Variants in QSOX1 observed in about 807,000 individuals in gnomAD.
QSOX1 encodes quiescin sulfhydryl oxidase 1, also known as sulfhydryl oxidase 1.
A neutral mutation model predicts 76.1 loss-of-function variants in QSOX1; 40 were observed. The ratio of observed to expected loss-of-function variants is 0.53; its 90% CI spans 0.41 to 0.68. The LOEUF (loss-of-function observed/expected upper bound fraction) is 0.68, where lower values mean the gene tolerates loss of function less well. QSOX1 is among the 30% of genes least tolerant of loss of function. The pLI, the probability that QSOX1 is intolerant of heterozygous loss-of-function variation, is 0.00. For synonymous variants in QSOX1, 392 were observed against 413.1 expected, an observed-to-expected ratio of 0.95 and a Z score of 0.62; for missense variants, 931 against 974.3, an observed-to-expected ratio of 0.96 and a Z score of 0.59.
At chr1:180,175,650 G>A (rs1343707794) in intron 3 of QSOX1, among the ~76,000 whole-genome samples, 3 of 152,172 alleles carry the variant, frequency 2.0e-5, no homozygotes, top group South Asian at 2.1e-4. Context: ...TGGGGTTGGC[G>A]CCCAGAGAGC....
intron 8 of QSOX1, among the ~76,000 whole-genome samples, chr1:180,187,972 G>A (rs1663215384): frequency 6.6e-6 from 1 of 152,232 alleles, no homozygotes. Context: ...CAGCCCTGCC[G>A]GTGCCTGCAG....
chr1:180,184,938 C>G (rs559167961), intron 7 of QSOX1, among the ~76,000 whole-genome samples: 53 of 152,208 alleles, frequency 3.5e-4, no homozygotes, highest in Non-Finnish European at 6.8e-4. Flanking sequence ...GAATGATCAT[C>G]ATAATCATTC....
chr1:180,162,628 A>G (rs1662518345), intron 1 of QSOX1, among the ~76,000 whole-genome samples: 1 of 152,130 alleles, frequency 6.6e-6, no homozygotes, highest in South Asian at 2.1e-4. Context: ...GGTACCAGCT[A>G]CTTAAGCAGC....
rs543057324 is a variant in QSOX1 at position 180,186,119 on chromosome 1, G to C, written c.954G>C (p.Arg318Ser). The C allele has an allele frequency of 1.9e-6, 3 of 1,614,236 alleles. No individual in the cohort carries two copies. Among genetic ancestry groups the C allele is most frequent in the African/African-American group, 2.7e-5 (2 of 75,070 alleles). ...LHYILRIEVG[R>S]FPVLEGQRLV... is the part of the protein sequence containing the mutation. ...ACATCCTGCGGATAGAAGTGGGCAG[G>C]TTCCCGGTCCTGGAAGGGCAGCGCC... Residue 318 changes from arginine (R) to serine (S), a missense_variant, in exon 8 of 12, where the codon AGG becomes AGC. Physicochemically the swap from Arg to Ser is moderately radical, Grantham distance 110. Coordinates refer to ENST00000367602, the MANE Select transcript of QSOX1 (RefSeq NM_002826.5).
At chr1:180,161,048 A>G (rs1662483526) in intron 1 of QSOX1, among the ~76,000 whole-genome samples, 1 of 152,124 alleles carries the variant, frequency 6.6e-6, no homozygotes, top group Non-Finnish European at 1.5e-5. Context: ...TTCTCTCTAT[A>G]GTCACCCCCA....
At chr1:180,176,476 T>G (rs1662895475) in intron 4 of QSOX1, among the ~76,000 whole-genome samples, 1 of 152,032 alleles carries the variant, frequency 6.6e-6, no homozygotes, top group African/African-American at 2.4e-5. Context: ...TGAGGGAAAT[T>G]GGGGGGAGGT....
chr1:180,199,652 G>A lies in QSOX1; in HGVS notation c.*2615G>A, dbSNP rs1558196423. The A allele has an allele frequency of 6.6e-6, 1 of 152,258 alleles. No homozygotes were observed. Among genetic ancestry groups the A allele is most frequent in the African/African-American group, 2.4e-5 (1 of 41,526 alleles). 9.4% of individuals were successfully genotyped at this position (152,258 alleles called of 1,614,324 possible). On this transcript the variant is annotated 3_prime_UTR_variant, in exon 12 of 12. Transcript: ENST00000367602. Reference sequence around the variant, plus strand: ...TGGGCTAGAAACTGAAGCTAAAACAGATACGTGGTCCCTGCTGCTATGGGG... The same window carrying A: ...TGGGCTAGAAACTGAAGCTAAAACAAATACGTGGTCCCTGCTGCTATGGGG...
chr1:180,180,272 A>G (rs1662996812), intron 5 of QSOX1, among the ~76,000 whole-genome samples: 2 of 152,214 alleles, frequency 1.3e-5, no homozygotes, highest in South Asian at 4.1e-4. Flanking sequence ...GTGCAATGGC[A>G]CTGTCTTGGC....
rs1572058246 is a variant in QSOX1 at position 180,197,575 on chromosome 1, G to A, written c.*538G>A. ...TGCCTGGCCAGCCTCCAGCTCCTCA[G>A]ACCTCCTGGGTGGGGTTTGGCTTCA... On this transcript the variant is annotated 3_prime_UTR_variant, in exon 12 of 12. Transcript: ENST00000367602. 1.7e-6 allele frequency: 1 copy of A among 597,202 alleles called. No homozygotes were observed. Among genetic ancestry groups the A allele is most frequent in the East Asian group, 2.9e-5 (1 of 34,338 alleles). 37.0% of individuals were successfully genotyped at this position (597,202 alleles called of 1,614,324 possible). A position where few individuals can be genotyped will look rare whatever the true frequency, so the allele number is the denominator to read the frequency against.
At chr1:180,175,786 C>T in intron 3 of QSOX1, 145 bp from the exon 4 acceptor site, 1 of 657,656 alleles carries the variant, frequency 1.5e-6, no homozygotes, top group Non-Finnish European at 2.7e-6. Context: ...ATTCTTCTAG[C>T]ACAGGGAAGG....
At chr1:180,194,651 G>C (rs1180696139) in intron 11 of QSOX1, among the ~76,000 whole-genome samples, 1 of 152,144 alleles carries the variant, frequency 6.6e-6, no homozygotes, top group African/African-American at 2.4e-5. Context: ...AGCCTACTGG[G>C]GTCCCTCTCC....
At position 180,196,623 on chromosome 1, in the gene QSOX1, C is replaced by G. The variant is rs1286734921; in HGVS notation, c.1830C>G (p.His610Gln). The change falls in exon 12 of 12, where the codon CAC becomes CAG. Residue 610 changes from histidine to glutamine, a missense_variant. Coordinates refer to ENST00000367602, the MANE Select transcript of QSOX1 (RefSeq NM_002826.5). The surrounding 1 kb of genome is among the most constrained non-coding windows in gnomAD (Gnocchi z 4.1). ...AGGCAAGTCGACCCCCGAAGCTGCACCCTGGCCTCAGAGCTGCACCAGGCC... is the reference window on the plus strand; with the variant it reads ...AGGCAAGTCGACCCCCGAAGCTGCAGCCTGGCCTCAGAGCTGCACCAGGCC... The part of the protein sequence containing the change: ...GPEASRPPKL[H>Q]PGLRAAPGQE... The G allele has an allele frequency of 1.1e-5, 17 of 1,614,222 alleles. No homozygotes were observed. Among genetic ancestry groups the G allele is most frequent in the Non-Finnish European group, 1.4e-5 (17 of 1,180,048 alleles).
Position 180,203,271 on chromosome 1 carries a change from T to C in QSOX1, c.*6234T>C, listed in dbSNP as rs979737241. ...TTATAAACATAAGTTACTATTGTTA[T>C]ATATATGCTAACGTTTGTCTAGAAA... On this transcript the variant is annotated 3_prime_UTR_variant, in exon 12 of 12. Coordinates refer to ENST00000367602, the MANE Select transcript of QSOX1 (RefSeq NM_002826.5). 4.6e-5 allele frequency: 7 copies of C among 152,112 alleles called. No individual in the cohort carries two copies. Among genetic ancestry groups the C allele is most frequent in the African/African-American group, 9.7e-5 (4 of 41,448 alleles). 9.4% of individuals were successfully genotyped at this position (152,112 alleles called of 1,614,324 possible). A position where few individuals can be genotyped will look rare whatever the true frequency, so the allele number is the denominator to read the frequency against.
At chr1:180,176,662 A>G (rs1417119988) in intron 4 of QSOX1, among the ~76,000 whole-genome samples, 2 of 152,212 alleles carry the variant, frequency 1.3e-5, no homozygotes, top group African/African-American at 4.8e-5. Context: ...ACTTTCCCAA[A>G]GAAGAGACAG....
At chr1:180,175,289 T>C in intron 2 of QSOX1, 32 bp from the exon 3 acceptor site, 8 of 1,612,296 alleles carry the variant, frequency 5.0e-6, no homozygotes, top group Non-Finnish European at 5.9e-6. Context: ...CCACTATCTA[T>C]TACTGATGCC....
intron 8 of QSOX1, 62 bp from the exon 9 acceptor site, chr1:180,189,490 C>T (rs1338749174): frequency 1.6e-6 from 2 of 1,218,970 alleles, no homozygotes; most frequent in African/African-American, 3.2e-5. Context: ...CTACCATCTG[C>T]AGGACGGGGA....
intron 10 of QSOX1, 137 bp downstream of exon 10, chr1:180,190,717 TG>T: frequency 8.8e-7 from 1 of 1,132,034 alleles, no homozygotes; most frequent in East Asian, 2.4e-5. Context: ...GAGTCAGCCT[TG>T]GGGCTCTGGC....
At chr1:180,188,400 C>G (rs1232003871) in intron 8 of QSOX1, among the ~76,000 whole-genome samples, 6 of 152,236 alleles carry the variant, frequency 3.9e-5, no homozygotes, top group Non-Finnish European at 8.8e-5. Flanking sequence ...TTCCTTGCTC[C>G]CAGTTGTCCA....
rs1663502839 is a variant in QSOX1, at chr1:180,196,797, C to T, written c.2004C>T (p.Val668=). Reference sequence around the variant, plus strand: ...ACCGCCTCTGGGGCCCTTTGGAGGTCAGGCGCGTGGGCCGCAGCTCCAAGC... The same window carrying T: ...ACCGCCTCTGGGGCCCTTTGGAGGTTAGGCGCGTGGGCCGCAGCTCCAAGC... The part of the protein sequence containing the change: ...EKNRLWGPLE[V]RRVGRSSKQL... The change falls in exon 12 of 12, where the codon GTC becomes GTT. Residue 668 remains valine (V), a synonymous_variant. Coordinates refer to ENST00000367602, the MANE Select transcript of QSOX1 (RefSeq NM_002826.5). This position sits in a 1 kb window ranked among gnomAD's most constrained non-coding sequence, Gnocchi z 4.1. The T allele has an allele frequency of 1.9e-6, 3 of 1,613,662 alleles. No individual in the cohort carries two copies. The highest frequency in any genetic ancestry group is 1.7e-5 in the Admixed American group (1 of 60,000).
Sources: allele counts gnomAD v4.1 joint callset (sites outside exome capture counted in the v4.1 genomes callset), GRCh38; gene constraint gnomAD v4.1.1; non-coding constraint Gnocchi (gnomAD v3.1); transcripts MANE v1.5; gene names NCBI Gene and HGNC (gene_info 2026-07-23, HGNC 2026-07-21).